VEZT: variants seen among roughly 807,000 people sequenced by gnomAD.
VEZT encodes the protein vezatin.
Under a neutral mutation model 79.9 loss-of-function variants are expected in VEZT, and 39 were observed. The ratio of observed to expected loss-of-function variants is 0.49; its 90% CI spans 0.38 to 0.64. The LOEUF is 0.64. Ranked by LOEUF, VEZT falls within the 30% of genes least tolerant of loss-of-function variation. The pLI is 0.00. For missense variants in VEZT, 837 were observed against 893.1 expected (o/e 0.94, Z 0.80); for synonymous variants, 325 against 327.6 (o/e 0.99, Z 0.09).
chr12:95,300,007 G>C (rs377746548), intron 11 of VEZT, 158 bp from the exon 12 acceptor site: 3 of 458,270 alleles, frequency 6.5e-6, no homozygotes, highest in Non-Finnish European at 3.6e-6. Context: ...AAGTTTCCTG[G>C]ATTTATAAAT....
chr12:95,298,935 C>T lies in VEZT; in HGVS notation c.1832-1230C>T, dbSNP rs541640795. Reference sequence around the variant, plus strand: ...ATTTATCAATGAGAGAAATGTGTCTCTTTTTCAGGTATGTGCTTTTGATAT... The same window carrying T: ...ATTTATCAATGAGAGAAATGTGTCTTTTTTTCAGGTATGTGCTTTTGATAT... On this transcript the variant is annotated intron_variant, in intron 11 of 11. Coordinates refer to ENST00000436874, the MANE Select transcript of VEZT (RefSeq NM_017599.4). 1.2e-4 allele frequency: 18 copies of T among 154,030 alleles called. No individual in the cohort carries two copies. In the South Asian group the frequency reaches 3.5e-3, roughly 30 times the overall value. 9.5% of individuals were successfully genotyped at this position (154,030 alleles called of 1,614,324 possible). A position where few individuals can be genotyped will look rare whatever the true frequency, so the allele number is the denominator to read the frequency against.
At position 95,301,132 on chromosome 12, in the gene VEZT, T is replaced by G. The variant is rs2075162078; in HGVS notation, c.*459T>G. 6.5e-6 allele frequency: 1 copy of G among 152,758 alleles called. No individual in the cohort carries two copies. Among genetic ancestry groups the G allele is most frequent in the African/African-American group, 2.4e-5 (1 of 41,442 alleles). 9.5% of individuals were successfully genotyped at this position (152,758 alleles called of 1,614,324 possible). On this transcript the variant is annotated 3_prime_UTR_variant, in exon 12 of 12. Transcript: ENST00000436874. ...TATTTTATTTTTGTTTATACCAGTCTTAAAGATCCAGGTTCTGAATAAAAA... is the reference window on the plus strand; with the variant it reads ...TATTTTATTTTTGTTTATACCAGTCGTAAAGATCCAGGTTCTGAATAAAAA...
chr12:95,221,082 A>G (rs1404330763), intron 1 of VEZT, among the ~76,000 whole-genome samples: 1 of 152,228 alleles, frequency 6.6e-6, no homozygotes, highest in East Asian at 1.9e-4. Flanking sequence ...TTTTCTTGAT[A>G]AAGATGTTAA....
intron 8 of VEZT, among the ~76,000 whole-genome samples, chr12:95,285,154 A>G (rs2139399920): frequency 6.6e-6 from 1 of 151,690 alleles, no homozygotes; most frequent in African/African-American, 2.4e-5. Flanking sequence ...CTAATAGAAC[A>G]AGCTTCCGGC....
chr12:95,292,658 C>G (rs2073191459), intron 9 of VEZT, among the ~76,000 whole-genome samples: 2 of 150,412 alleles, frequency 1.3e-5, no homozygotes, highest in Non-Finnish European at 3.0e-5. Context: ...AAGCAATTCT[C>G]CTGCCTCAGC....
At chr12:95,290,309 A>G (rs2072395398) in intron 9 of VEZT, among the ~76,000 whole-genome samples, 1 of 152,234 alleles carries the variant, frequency 6.6e-6, no homozygotes, top group African/African-American at 2.4e-5. Flanking sequence ...TATCATTCCT[A>G]CGTATTTAAC....
At chr12:95,294,165 G>T (rs918477412) in intron 9 of VEZT, 107 bp from the exon 10 acceptor site, 11 of 854,716 alleles carry the variant, frequency 1.3e-5, no homozygotes, top group Non-Finnish European at 1.8e-5. Flanking sequence ...GGGATTACAG[G>T]CATGAGCCAC....
In VEZT at chr12:95,284,031, GAGGGAAGATGGCTC is replaced by G. The variant is rs146354202; in HGVS notation, c.1328+1396_1328+1409del. 5.6e-3 allele frequency among the ~76,000 whole-genome samples: 852 copies of G among 152,322 alleles called. 34 individuals carry two copies. The East Asian group carries it at 0.13, about 24-fold the overall frequency. On this transcript the variant is annotated intron_variant, in intron 8 of 11. Transcript: ENST00000436874. ...GGCGCATATTAGAATGCATTTGAGTGAGGGAAGATGGCTCAGGGAAGAAAGAGTGCTACACAAGG... is the reference window on the plus strand; with the variant it reads ...GGCGCATATTAGAATGCATTTGAGTGAGGGAAGAAAGAGTGCTACACAAGG...
At chr12:95,240,081 G>C (rs77586872) in intron 1 of VEZT, among the ~76,000 whole-genome samples, 2 of 144,230 alleles carry the variant, frequency 1.4e-5, no homozygotes, top group Non-Finnish European at 3.0e-5. Context: ...AGGAAGAAAA[G>C]AAAGAGGAAA....
In VEZT at chr12:95,251,883, C is replaced by T. The variant is rs777232804; in HGVS notation, c.37-57C>T. On this transcript the variant is annotated intron_variant, in intron 1 of 11. Transcript: ENST00000436874. ...GAAGTCTGGTATTAAGTTTGGCCCC[C>T]GAAACTTTTGAAGTAGTAATGATCT... The T allele has an allele frequency of 4.2e-5, 65 of 1,557,494 alleles. 1 individual carries two copies. In the South Asian group the frequency reaches 5.3e-4, roughly 13 times the overall value.
chr12:95,294,184 G>T, intron 9 of VEZT, 88 bp from the exon 10 acceptor site: 2 of 1,104,450 alleles, frequency 1.8e-6, no homozygotes, highest in Non-Finnish European at 2.6e-6. Context: ...ACCACACCTG[G>T]CCCCAAGGGT....
intron 1 of VEZT, among the ~76,000 whole-genome samples, chr12:95,236,094 C>G (rs908046328): frequency 6.6e-6 from 1 of 151,974 alleles, no homozygotes; most frequent in African/African-American, 2.4e-5. Flanking sequence ...GAGGTTGTAG[C>G]GAGCCGAGAT....
chr12:95,289,088 A>AAAAAAAT (rs2071831813), intron 9 of VEZT, among the ~76,000 whole-genome samples: 1 of 139,284 alleles, frequency 7.2e-6, no homozygotes, highest in Non-Finnish European at 1.5e-5. Flanking sequence ...TCTCAAAAAA[A>AAAAAAAT]AAAATAAATA....
chr12:95,240,630 A>G (rs2060885749), intron 1 of VEZT, among the ~76,000 whole-genome samples: 1 of 152,170 alleles, frequency 6.6e-6, no homozygotes, highest in African/African-American at 2.4e-5. Context: ...TTAGTAGCTG[A>G]TTAAAATTTC....
chr12:95,263,242 A>C (rs578100393), intron 4 of VEZT, among the ~76,000 whole-genome samples, 161 bp downstream of exon 4: 1 of 152,312 alleles, frequency 6.6e-6, no homozygotes, highest in African/African-American at 2.4e-5. Context: ...TTCTAAAGTA[A>C]ATACTATTTA....
At chr12:95,222,636 A>G (rs1004079637) in intron 1 of VEZT, among the ~76,000 whole-genome samples, 14 of 152,154 alleles carry the variant, frequency 9.2e-5, no homozygotes, top group African/African-American at 3.4e-4. Context: ...TTGGCCCATT[A>G]TATTTCCATA....
At chr12:95,285,068 A>G (rs979943122) in intron 8 of VEZT, among the ~76,000 whole-genome samples, 1 of 143,986 alleles carries the variant, frequency 6.9e-6, no homozygotes, top group Non-Finnish European at 1.5e-5. Context: ...CCTGGGTGAC[A>G]GAGCAAGACT....
In VEZT at chr12:95,223,605, C is replaced by T. The variant is rs144461504; in HGVS notation, c.36+5719C>T. On this transcript the variant is annotated intron_variant, in intron 1 of 11. Transcript: ENST00000436874. ...AGCTGGGATTACAGGCACCCATCACCATGCCCAGCTAATTTTTGTATTTCT... is the reference window on the plus strand; with the variant it reads ...AGCTGGGATTACAGGCACCCATCACTATGCCCAGCTAATTTTTGTATTTCT... 5.9e-3 allele frequency among the ~76,000 whole-genome samples: 897 copies of T among 152,256 alleles called. 12 individuals carry two copies. The highest frequency in any genetic ancestry group is 0.02 in the African/African-American group (849 of 41,540).
rs2075078995 is a variant in VEZT at position 95,300,494 on chromosome 12, T to A, written c.2161T>A (p.Ser721Thr). 6.2e-7 allele frequency: 1 copy of A among 1,613,930 alleles called. No homozygotes were observed. Among genetic ancestry groups the A allele is most frequent in the African/African-American group, 1.3e-5 (1 of 75,038 alleles). The part of the protein sequence containing the change: ...PPTPRDSLQP[S>T]IKQRLARLQL... ...AACTCCCAGGGACTCATTACAGCCC[T>A]CCATTAAGCAGAGGCTGGCACGGCT... Residue 721 changes from serine (S) to threonine (T), a missense_variant, in exon 12 of 12, where the codon TCC becomes ACC. Physicochemically the swap from Ser to Thr is moderately conservative, Grantham distance 58. Transcript: ENST00000436874.
Sources: allele counts gnomAD v4.1 joint callset (sites outside exome capture counted in the v4.1 genomes callset), GRCh38; gene constraint gnomAD v4.1.1; transcripts MANE v1.5; gene names NCBI Gene and HGNC (gene_info 2026-07-23, HGNC 2026-07-21).